The following PVT1 variants were observed in gnomAD, a reference collection of about 807,000 sequenced individuals.
The protein encoded by PVT1 is Pvt1 oncogene, also known as CXCR4/PVT1 fusion.
At chr8:127,969,706 C>T (rs1310850248) in intron 3 of PVT1, among the ~76,000 whole-genome samples, 3 of 152,176 alleles carry the variant, frequency 2.0e-5, no homozygotes, top group African/African-American at 7.2e-5. Context: ...GTCATATCCA[C>T]TCCAGTAAAT....
At chr8:128,091,201 G>A (rs376457911) in intron 5 of PVT1, among the ~76,000 whole-genome samples, 1 of 152,152 alleles carries the variant, frequency 6.6e-6, no homozygotes, top group African/African-American at 2.4e-5. Flanking sequence ...TCCTCGGACT[G>A]TCCCGGCCTG....
intron 2 of PVT1, among the ~76,000 whole-genome samples, chr8:127,858,675 C>T (rs910311768): frequency 1.3e-4 from 20 of 151,868 alleles, no homozygotes; most frequent in South Asian, 4.2e-4. Flanking sequence ...CTGCAACTGG[C>T]CCATAGATGG....
Position 128,099,268 on chromosome 8 carries a change from T to A in PVT1, n.1251+2614T>A, listed in dbSNP as rs529660206. On this transcript the variant is annotated intron_variant and non_coding_transcript_variant, in intron 6 of 10. Transcript: ENST00000651587. ...TTCCGAGGAAGGATGCTTTCAGGAGTGCTTTGGAATGAAGGCAGTGGAGGC... is the reference window on the plus strand; with the variant it reads ...TTCCGAGGAAGGATGCTTTCAGGAGAGCTTTGGAATGAAGGCAGTGGAGGC... 3 of 152,196 alleles carry A rather than the reference T, an allele frequency of 2.0e-5. No individual in the cohort carries two copies. In the South Asian group the frequency reaches 6.2e-4, roughly 32 times the overall value. The allele number at this position is 152,196 out of a possible 1,614,324, so 9.4% of individuals were successfully genotyped here.
chr8:127,996,002 A>G (rs1464140987), intron 4 of PVT1, among the ~76,000 whole-genome samples: 1 of 152,030 alleles, frequency 6.6e-6, no homozygotes, highest in Admixed American at 6.6e-5. Context: ...GGGTATCTCC[A>G]TCCCAACATA....
chr8:128,063,487 G>A (rs1487732864), intron 4 of PVT1, among the ~76,000 whole-genome samples: 1 of 152,066 alleles, frequency 6.6e-6, no homozygotes, highest in Non-Finnish European at 1.5e-5. Context: ...ACTCCAGCCT[G>A]GGCAACAGAG....
chr8:128,052,750 C>T (rs1357519793), intron 4 of PVT1, among the ~76,000 whole-genome samples: 1 of 152,238 alleles, frequency 6.6e-6, no homozygotes, highest in Non-Finnish European at 1.5e-5. Flanking sequence ...GTGCTGTTGT[C>T]ACACTATGTG....
chr8:127,886,698 C>T (rs1408346529), intron 2 of PVT1, among the ~76,000 whole-genome samples: 1 of 152,042 alleles, frequency 6.6e-6, no homozygotes, highest in Non-Finnish European at 1.5e-5. Flanking sequence ...ACTAAGAATA[C>T]ATTTTCCTTT....
At chr8:127,887,124 A>G (rs1366623651) in intron 2 of PVT1, among the ~76,000 whole-genome samples, 1 of 152,228 alleles carries the variant, frequency 6.6e-6, no homozygotes, top group Non-Finnish European at 1.5e-5. Context: ...ATTTGTACAC[A>G]GAATTTGAAC....
At chr8:127,999,722 G>A (rs1370600573) in intron 4 of PVT1, among the ~76,000 whole-genome samples, 1 of 152,198 alleles carries the variant, frequency 6.6e-6, no homozygotes, top group African/African-American at 2.4e-5. Context: ...TCAGCCTCCC[G>A]AAGTGCTGGG....
chr8:127,998,556 TCTTC>T (rs1260209394), intron 4 of PVT1, among the ~76,000 whole-genome samples: 1 of 150,176 alleles, frequency 6.7e-6, no homozygotes, highest in African/African-American at 2.5e-5. Flanking sequence ...TCTCTCTCTC[TCTTC>T]CTTCCTTCCC....
At chr8:127,919,398 G>C (rs1481114313) in intron 3 of PVT1, among the ~76,000 whole-genome samples, 1 of 152,196 alleles carries the variant, frequency 6.6e-6, no homozygotes, top group African/African-American at 2.4e-5. Flanking sequence ...ACCCTCTACT[G>C]TGGAAAGTTA....
chr8:127,855,673 C>T (rs1395222614), intron 2 of PVT1, among the ~76,000 whole-genome samples: 3 of 152,218 alleles, frequency 2.0e-5, no homozygotes, highest in Non-Finnish European at 4.4e-5. Flanking sequence ...TGTCAGGCCT[C>T]AGCAGACTGA....
intron 2 of PVT1, among the ~76,000 whole-genome samples, chr8:127,827,634 G>A (rs78255756): frequency 7.7e-4 from 117 of 152,160 alleles, no homozygotes; most frequent in Non-Finnish European, 1.5e-3. Context: ...CTGCTTGCAC[G>A]TCAGGGTTGA....
Position 128,034,600 on chromosome 8 carries a change from A to T in PVT1, n.913-35560A>T, listed in dbSNP as rs542459487. On this transcript the variant is annotated intron_variant and non_coding_transcript_variant, in intron 4 of 10. Transcript: ENST00000651587. ...GGGTCAAACACAGCATGGAAGCTAA[A>T]CATACATGTGCAAAATGGACAAATG... 4.6e-5 allele frequency among the ~76,000 whole-genome samples: 7 copies of T among 152,336 alleles called. No individual in the cohort carries two copies. The South Asian group carries it at 1.5e-3, about 32-fold the overall frequency.
chr8:128,018,960 AG>A (rs1268395440), intron 4 of PVT1, among the ~76,000 whole-genome samples: 3 of 152,354 alleles, frequency 2.0e-5, no homozygotes, highest in African/African-American at 4.8e-5. Flanking sequence ...CTCAGTCTGC[AG>A]CTAAGGAAGG....
intron 2 of PVT1, among the ~76,000 whole-genome samples, chr8:127,865,589 G>A (rs553455601): frequency 1.4e-3 from 218 of 152,224 alleles, no homozygotes; most frequent in Middle Eastern, 3.4e-3. Context: ...CATGAGACAA[G>A]GAATAACCGT....
chr8:128,085,554 T>G (rs1007878843), intron 5 of PVT1, among the ~76,000 whole-genome samples: 2 of 152,206 alleles, frequency 1.3e-5, no homozygotes, highest in African/African-American at 4.8e-5. Flanking sequence ...ATAACATATA[T>G]TGATGTGGTT....
chr8:127,950,779 A>G (rs1022460299), intron 3 of PVT1, among the ~76,000 whole-genome samples: 1 of 152,150 alleles, frequency 6.6e-6, no homozygotes, highest in Non-Finnish European at 1.5e-5. Context: ...TCGAGTGAGG[A>G]GGTGTAGGAG....
intron 2 of PVT1, among the ~76,000 whole-genome samples, chr8:127,875,646 T>G (rs553461549): frequency 2.6e-4 from 39 of 152,310 alleles, no homozygotes; most frequent in African/African-American, 8.4e-4. Flanking sequence ...CTCATTTTCT[T>G]TTCTCTGAGA....
Sources: allele counts gnomAD v4.1 joint callset (sites outside exome capture counted in the v4.1 genomes callset), GRCh38; gene constraint gnomAD v4.1.1; transcripts MANE v1.5; gene names NCBI Gene and HGNC (gene_info 2026-07-23, HGNC 2026-07-21).